PBLD: variants seen among roughly 807,000 people sequenced by gnomAD.
PBLD encodes phenazine biosynthesis-like domain-containing protein.
Under a neutral mutation model 31.3 loss-of-function variants are expected in PBLD, and 26 were observed. That is an observed-to-expected ratio of 0.83 (90% CI 0.61 to 1.15). The LOEUF is 1.15. Among genes scored for constraint, PBLD ranks in the 50% most tolerant of loss-of-function variants. The probability of loss-of-function intolerance (pLI) is 0.00; values close to 1 mark genes in which losing one functional copy is unlikely to be tolerated. For synonymous variants in PBLD, 114 were observed against 129.0 expected, an observed-to-expected ratio of 0.88 and a Z score of 0.79; for missense variants, 307 against 351.7, an observed-to-expected ratio of 0.87 and a Z score of 1.02.
At chr10:68,307,588 C>G (rs1391016876) in intron 1 of PBLD, among the ~76,000 whole-genome samples, 1 of 152,054 alleles carries the variant, frequency 6.6e-6, no homozygotes, top group South Asian at 2.1e-4. Flanking sequence ...CAAGCTCCCC[C>G]TCCCAGGTTC....
At chr10:68,287,515 G>C (rs1279405436) in intron 8 of PBLD, 1 of 152,252 alleles carries the variant, frequency 6.6e-6, no homozygotes, top group Non-Finnish European at 1.5e-5. Context: ...GAGCCATCCA[G>C]GCCCTGCCAT....
chr10:68,318,681 A>G (rs1423600974), intron 1 of PBLD, among the ~76,000 whole-genome samples: 1 of 152,144 alleles, frequency 6.6e-6, no homozygotes, highest in Non-Finnish European at 1.5e-5. Context: ...TATTAAAATT[A>G]AGTTTCTGTT....
At chr10:68,285,108 A>C in intron 9 of PBLD, 1 of 1,317,560 alleles carries the variant, frequency 7.6e-7, no homozygotes, top group Non-Finnish European at 9.6e-7. Flanking sequence ...TTTATTCAAC[A>C]AACACTTATT....
intron 1 of PBLD, among the ~76,000 whole-genome samples, chr10:68,319,077 A>G (rs1372878306): frequency 7.7e-6 from 1 of 129,804 alleles, no homozygotes; most frequent in Admixed American, 8.1e-5. Context: ...GAAAGAAAGA[A>G]AGAAAGAAAG....
At chr10:68,320,652 T>C (rs552364517) in intron 1 of PBLD, among the ~76,000 whole-genome samples, 194 of 152,204 alleles carry the variant, frequency 1.3e-3, no homozygotes, top group African/African-American at 4.4e-3. Flanking sequence ...ATTTTTATTG[T>C]TGTATTTCTC....
At chr10:68,318,439 C>T (rs1483242377) in intron 1 of PBLD, among the ~76,000 whole-genome samples, 1 of 143,622 alleles carries the variant, frequency 7.0e-6, no homozygotes, top group African/African-American at 2.6e-5. Flanking sequence ...GCTGGAGGTT[C>T]CCTTGAGCTC....
intron 1 of PBLD, chr10:68,332,086 C>G (rs1445767118): frequency 6.6e-6 from 1 of 152,392 alleles, no homozygotes; most frequent in Non-Finnish European, 1.5e-5. Flanking sequence ...GCGCAGCTCC[C>G]TAAGCGGTTG....
chr10:68,314,780 T>A (rs1337698667), intron 1 of PBLD, among the ~76,000 whole-genome samples: 1 of 151,960 alleles, frequency 6.6e-6, no homozygotes, highest in Non-Finnish European at 1.5e-5. Context: ...GTATTATTTT[T>A]AATTTAATTT....
intron 2 of PBLD, among the ~76,000 whole-genome samples, chr10:68,301,826 T>A (rs2044509601): frequency 6.6e-6 from 1 of 152,222 alleles, no homozygotes; most frequent in Non-Finnish European, 1.5e-5. Flanking sequence ...GCCCACCAGC[T>A]CTTTAATCCT....
At chr10:68,298,776 AC>A (rs2044465644) in intron 2 of PBLD, among the ~76,000 whole-genome samples, 1 of 151,540 alleles carries the variant, frequency 6.6e-6, no homozygotes, top group South Asian at 2.1e-4. Flanking sequence ...ACACACACAC[AC>A]ACACACACAC....
intron 2 of PBLD, among the ~76,000 whole-genome samples, chr10:68,304,097 G>A (rs117191629): frequency 2.8e-4 from 43 of 152,238 alleles, no homozygotes; most frequent in Non-Finnish European, 4.4e-4. Flanking sequence ...AAGATTTAGC[G>A]TTTATTTGTC....
At chr10:68,319,788 T>G (rs1056672215) in intron 1 of PBLD, among the ~76,000 whole-genome samples, 22 of 151,652 alleles carry the variant, frequency 1.5e-4, no homozygotes, top group African/African-American at 5.1e-4. Flanking sequence ...GACAAACTTT[T>G]TAATTTTTAT....
At chr10:68,305,819 C>T (rs2044570131) in intron 2 of PBLD, among the ~76,000 whole-genome samples, 2 of 152,108 alleles carry the variant, frequency 1.3e-5, no homozygotes, top group Admixed American at 1.3e-4. Flanking sequence ...GTTGTAATTG[C>T]TCTAGAAGAC....
At chr10:68,319,697 G>A (rs2044803405) in intron 1 of PBLD, among the ~76,000 whole-genome samples, 1 of 151,120 alleles carries the variant, frequency 6.6e-6, no homozygotes, top group Admixed American at 6.6e-5. Flanking sequence ...CTCCGGCCAG[G>A]GCGACAGACA....
At chr10:68,311,109 C>T (rs1004891837) in intron 1 of PBLD, among the ~76,000 whole-genome samples, 7 of 152,030 alleles carry the variant, frequency 4.6e-5, no homozygotes, top group African/African-American at 9.7e-5. Flanking sequence ...TAACGTACAC[C>T]GCTGAAAGCA....
At chr10:68,315,715 TCTGA>T (rs1313873653) in intron 1 of PBLD, among the ~76,000 whole-genome samples, 2 of 152,078 alleles carry the variant, frequency 1.3e-5, no homozygotes. Context: ...AGCTCTCACC[TCTGA>T]CTGAGACCTA....
intron 8 of PBLD, chr10:68,287,558 C>G (rs984836413): frequency 3.3e-5 from 5 of 152,382 alleles, no homozygotes; most frequent in African/African-American, 1.2e-4. Context: ...AGGGTCTGCC[C>G]AGCCTCCTGT....
chr10:68,312,570 T>C (rs1414801366), intron 1 of PBLD, among the ~76,000 whole-genome samples: 1 of 151,650 alleles, frequency 6.6e-6, no homozygotes, highest in African/African-American at 2.4e-5. Context: ...CTTTTTGTTA[T>C]TGATTTTCTT....
intron 2 of PBLD, among the ~76,000 whole-genome samples, chr10:68,302,868 A>C (rs1397256897): frequency 6.8e-6 from 1 of 147,520 alleles, no homozygotes; most frequent in Non-Finnish European, 1.5e-5. Context: ...ATTAGAATTT[A>C]AAAAAAAAAA....
Sources: gnomAD v4.1 joint callset for allele counts (sites outside exome capture counted in the v4.1 genomes callset) on GRCh38, gnomAD v4.1.1 for gene constraint, MANE v1.5 for transcripts, NCBI Gene and HGNC (gene_info 2026-07-23, HGNC 2026-07-21) for gene names.